RHBDF2: variants seen among roughly 807,000 people sequenced by gnomAD.
RHBDF2 encodes rhomboid 5 homolog 2, also known as inactive rhomboid protein 2.
A neutral mutation model predicts 95.2 loss-of-function variants in RHBDF2; 38 were observed. That is an observed-to-expected ratio of 0.40 (90% CI 0.31 to 0.52). The LOEUF (loss-of-function observed/expected upper bound fraction) is 0.52, where lower values mean the gene tolerates loss of function less well. Among genes scored for constraint, RHBDF2 ranks in the 20% least tolerant of loss-of-function variants. RHBDF2 has a pLI of 0.56. For synonymous variants in RHBDF2, 442 were observed against 462.0 expected (o/e 0.96, Z 0.55); for missense variants, 863 against 1,137.7 (o/e 0.76, Z 3.47).
rs552399716 is a variant in RHBDF2, at chr17:76,473,603, C to CG, written c.1733+44dup. The CG allele has an allele frequency of 3.4e-3, 5,150 of 1,507,084 alleles. 13 individuals carry two copies. The highest frequency in any genetic ancestry group is 4.3e-3 in the Non-Finnish European group (4,713 of 1,105,606). The allele number at this position is 1,507,084 out of a possible 1,614,324, so 93.4% of individuals were successfully genotyped here. On this transcript the variant is annotated intron_variant, in intron 15 of 18. Coordinates refer to ENST00000675367, the MANE Select transcript of RHBDF2 (RefSeq NM_001005498.4). ...AGAGGGCCCACAGGAAGCCGCAGCT[C>CG]GGGGGGGCAGTGGGATGGCTGAGGC...
chr17:76,500,572 T>G (rs1175712933), intron 1 of RHBDF2, among the ~76,000 whole-genome samples: 2 of 152,116 alleles, frequency 1.3e-5, no homozygotes, highest in Non-Finnish European at 2.9e-5. Flanking sequence ...ACACACCCGC[T>G]GCCACCCTCT....
intron 2 of RHBDF2, among the ~76,000 whole-genome samples, chr17:76,482,246 C>T (rs1343067888): frequency 6.6e-6 from 1 of 152,138 alleles, no homozygotes; most frequent in Non-Finnish European, 1.5e-5. Flanking sequence ...GTAATACCAG[C>T]ACTTGGGGAG....
rs1238497731 is a variant in RHBDF2 at position 76,475,120 on chromosome 17, C to G, written c.1137G>C (p.Leu379=). The G allele has an allele frequency of 6.3e-7, 1 of 1,597,060 alleles. No homozygotes were observed. The highest frequency in any genetic ancestry group is 1.8e-5 in the Admixed American group (1 of 56,384). ...DSHRPYFTYW[L]TFVHVIITLL... ...GCGTGATGATGACATGGACGAAGGT[C>G]AGCCAGTAGGTGAAGTAGGGCCTGT... Residue 379 remains leucine, a synonymous_variant, in exon 10 of 19, where the codon CTG becomes CTC. Coordinates refer to ENST00000675367, the MANE Select transcript of RHBDF2 (RefSeq NM_001005498.4).
chr17:76,496,301 C>T (rs1446141056), intron 1 of RHBDF2, among the ~76,000 whole-genome samples: 1 of 152,222 alleles, frequency 6.6e-6, no homozygotes, highest in Non-Finnish European at 1.5e-5. Flanking sequence ...CCACAGGGGA[C>T]AGATCTCTAT....
chr17:76,500,506 G>T (rs547169572), intron 1 of RHBDF2, among the ~76,000 whole-genome samples: 1 of 152,244 alleles, frequency 6.6e-6, no homozygotes, highest in African/African-American at 2.4e-5. Flanking sequence ...AGCCGCCCAG[G>T]CAACAGCAGC....
intron 1 of RHBDF2, among the ~76,000 whole-genome samples, chr17:76,490,833 GA>G (rs2074277615): frequency 6.6e-6 from 1 of 152,136 alleles, no homozygotes; most frequent in Admixed American, 6.6e-5. Flanking sequence ...GCCCTACTAG[GA>G]AAGTAAAATG....
intron 1 of RHBDF2, among the ~76,000 whole-genome samples, chr17:76,493,443 GC>G (rs1472873209): frequency 6.6e-6 from 1 of 152,192 alleles, no homozygotes; most frequent in Non-Finnish European, 1.5e-5. Context: ...CGCTGCCCTG[GC>G]AAGAGGTAGA....
intron 4 of RHBDF2, 35 bp downstream of exon 4, chr17:76,479,698 T>TG: frequency 1.4e-6 from 2 of 1,479,714 alleles, no homozygotes; most frequent in Non-Finnish European, 1.9e-6. Flanking sequence ...GGTTGCTGGG[T>TG]GGGGGGTGCT....
intron 1 of RHBDF2, among the ~76,000 whole-genome samples, chr17:76,497,004 G>A (rs2074441852): frequency 6.6e-6 from 1 of 152,164 alleles, no homozygotes; most frequent in Non-Finnish European, 1.5e-5. Flanking sequence ...CCTTGTGACT[G>A]CCTGCTTCAG....
At chr17:76,492,090 C>T (rs1015920130) in intron 1 of RHBDF2, among the ~76,000 whole-genome samples, 5 of 152,214 alleles carry the variant, frequency 3.3e-5, no homozygotes, top group Admixed American at 6.5e-5. Flanking sequence ...GTGGCCAACC[C>T]CAGAGAAGGG....
intron 1 of RHBDF2, among the ~76,000 whole-genome samples, chr17:76,497,392 C>A (rs1475251136): frequency 6.6e-6 from 1 of 152,146 alleles, no homozygotes; most frequent in East Asian, 1.9e-4. Context: ...CAGATGGAAA[C>A]CCACCCTCAC....
chr17:76,474,911 T>C, intron 10 of RHBDF2, 107 bp from the exon 11 acceptor site: 9 of 1,523,370 alleles, frequency 5.9e-6, no homozygotes, highest in Non-Finnish European at 8.1e-6. Context: ...GGGGCCAGGC[T>C]ATGGTGAGCA....
intron 14 of RHBDF2, 33 bp downstream of exon 14, chr17:76,473,806 C>T (rs1432747259): frequency 6.2e-7 from 1 of 1,613,502 alleles, no homozygotes; most frequent in Non-Finnish European, 8.5e-7. Flanking sequence ...CATCCCTGAC[C>T]TTCCCAGACC....
rs1408231541 is a variant in RHBDF2, at chr17:76,474,716, G to A, written c.1302+14C>T. ...CTCCTGGCTCAGATGATGTCCCCCA[G>A]CCTGGGCCCTCACCGAGCTGGGGCC... On this transcript the variant is annotated intron_variant, in intron 11 of 18. Coordinates refer to ENST00000675367, the MANE Select transcript of RHBDF2 (RefSeq NM_001005498.4). The A allele has an allele frequency of 6.2e-7, 1 of 1,614,186 alleles. No individual in the cohort carries two copies. Among genetic ancestry groups the A allele is most frequent in the Non-Finnish European group, 8.5e-7 (1 of 1,180,002 alleles).
At chr17:76,491,417 C>T (rs937121374) in intron 1 of RHBDF2, among the ~76,000 whole-genome samples, 22 of 149,436 alleles carry the variant, frequency 1.5e-4, no homozygotes, top group African/African-American at 5.4e-4. Flanking sequence ...CCTGGTCAGC[C>T]CCAGGGCAAT....
chr17:76,479,803 G>C lies in RHBDF2; in HGVS notation c.202C>G (p.Arg68Gly), dbSNP rs780237997. 8 of 1,613,380 alleles carry C rather than the reference G, an allele frequency of 5.0e-6. No homozygotes were observed. In the East Asian group the frequency reaches 6.7e-5, roughly 14 times the overall value. ...CGCTTCTCTGAACTCTCCTGCCATC[G>C]GCTGCGTGGCTCCTGGAGGCTGACG... is the stretch of plus-strand genomic sequence containing the variant. Reference protein sequence around the residue: ...KSVSLQEPRSRWQESSEKRPG... With the variant: ...KSVSLQEPRSGWQESSEKRPG... Residue 68 changes from arginine (R) to glycine (G), a missense_variant, in exon 4 of 19, where the codon CGA becomes GGA. Physicochemically the swap from Arg to Gly is moderately radical, Grantham distance 125 (BLOSUM62 -2). Coordinates refer to ENST00000675367, the MANE Select transcript of RHBDF2 (RefSeq NM_001005498.4).
At chr17:76,478,785 C>T in intron 6 of RHBDF2, 21 bp downstream of exon 6, 1 of 1,599,444 alleles carries the variant, frequency 6.3e-7, no homozygotes, top group Non-Finnish European at 8.5e-7. Flanking sequence ...GGTGGGGGCC[C>T]TGCAGGAGGG....
intron 1 of RHBDF2, among the ~76,000 whole-genome samples, chr17:76,492,583 G>A (rs1178121334): frequency 5.3e-5 from 8 of 152,060 alleles, no homozygotes; most frequent in African/African-American, 9.7e-5. Flanking sequence ...ACTCCTCCAC[G>A]CGGGCCCAGC....
chr17:76,491,054 C>A (rs1470110959), intron 1 of RHBDF2, among the ~76,000 whole-genome samples: 1 of 152,132 alleles, frequency 6.6e-6, no homozygotes, highest in Non-Finnish European at 1.5e-5. Context: ...AAGGGGTCTC[C>A]CTCATCCTGC....
Sources: allele counts gnomAD v4.1 joint callset (sites outside exome capture counted in the v4.1 genomes callset), GRCh38; gene constraint gnomAD v4.1.1; transcripts MANE v1.5; gene names NCBI Gene and HGNC (gene_info 2026-07-23, HGNC 2026-07-21).